Variants in GRM5 observed in about 807,000 individuals in gnomAD.
GRM5 encodes the protein glutamate metabotropic receptor 5.
In GRM5, 19 loss-of-function variants were observed where a neutral mutation model predicts 83.1. That is an observed-to-expected ratio of 0.23 (90% CI 0.16 to 0.34). The LOEUF (loss-of-function observed/expected upper bound fraction) is 0.34. Among genes scored for constraint, GRM5 ranks in the 10% least tolerant of loss-of-function variants. The pLI is 1.00. For synonymous variants in GRM5, 675 were observed against 633.6 expected (o/e 1.07, Z -0.98); for missense variants, 1,160 against 1,588.3 (o/e 0.73, Z 4.58).
At chr11:88,871,057 A>G (rs890296163) in intron 2 of GRM5, among the ~76,000 whole-genome samples, 2 of 151,634 alleles carry the variant, frequency 1.3e-5, no homozygotes, top group Non-Finnish European at 1.5e-5. Flanking sequence ...TACAATTATT[A>G]TTGTCAGTTA....
At chr11:88,843,428 C>T (rs1302822933) in intron 3 of GRM5, among the ~76,000 whole-genome samples, 2 of 152,078 alleles carry the variant, frequency 1.3e-5, no homozygotes, top group African/African-American at 2.4e-5. Flanking sequence ...GAACATGCTA[C>T]TGTTGTAATT....
At chr11:88,915,043 AC>A (rs1272761300) in intron 2 of GRM5, among the ~76,000 whole-genome samples, 2 of 152,202 alleles carry the variant, frequency 1.3e-5, no homozygotes, top group African/African-American at 4.8e-5. Flanking sequence ...TTTTACAAAA[AC>A]AAAAAGGTCA....
intron 2 of GRM5, among the ~76,000 whole-genome samples, chr11:89,023,884 A>C (rs1019540983): frequency 1.9e-5 from 2 of 105,870 alleles, no homozygotes; most frequent in Admixed American, 9.6e-5. Flanking sequence ...TAAATAAATA[A>C]ATAAATAAAT....
intron 3 of GRM5, among the ~76,000 whole-genome samples, chr11:88,742,643 T>C (rs1942052533): frequency 6.6e-6 from 1 of 152,150 alleles, no homozygotes; most frequent in Non-Finnish European, 1.5e-5. Flanking sequence ...GAAATCATGT[T>C]ACACAGAGAA....
chr11:88,721,951 T>G (rs975260934), intron 3 of GRM5, among the ~76,000 whole-genome samples: 1 of 152,088 alleles, frequency 6.6e-6, no homozygotes, highest in African/African-American at 2.4e-5. Flanking sequence ...AAAAACAGAC[T>G]GGGGATGTAA....
chr11:89,014,347 C>A (rs71469234), intron 2 of GRM5, among the ~76,000 whole-genome samples: 2,823 of 152,230 alleles, frequency 0.019, 38 homozygotes, highest in Middle Eastern at 0.065. Context: ...TGTGTTACTA[C>A]TCAACAGTGC....
intron 3 of GRM5, among the ~76,000 whole-genome samples, chr11:88,814,892 T>C (rs1270680790): frequency 6.6e-6 from 1 of 152,152 alleles, no homozygotes; most frequent in Non-Finnish European, 1.5e-5. Context: ...AGAATAATCC[T>C]AATCATGTAA....
At position 89,047,303 on chromosome 11, in the gene GRM5, C is replaced by A; in HGVS notation, c.570G>T (p.Arg190Ser). 6.2e-7 allele frequency: 1 copy of A among 1,613,864 alleles called. No homozygotes were observed. The highest frequency in any genetic ancestry group is 8.5e-7 in the Non-Finnish European group (1 of 1,179,806). Residue 190 changes from arginine to serine, a missense_variant, in exon 2 of 10, where the codon AGG (arginine) becomes AGT (serine). Arg to Ser is a moderately radical substitution (Grantham distance 110, BLOSUM62 -1). Coordinates refer to ENST00000305447, the MANE Select transcript of GRM5 (RefSeq NM_001143831.3). The surrounding 1 kb of genome is among the most constrained non-coding windows in gnomAD (Gnocchi z 5.1). ...CCTGCTGAGCATCTGAAGGCACAAC[C>A]CTCATGAAATATTTGAACAGAGTCT... ...SDKTLFKYFMRVVPSDAQQAR... is the reference protein window; with the variant it reads ...SDKTLFKYFMSVVPSDAQQAR...
chr11:88,818,610 G>C (rs1361572404), intron 3 of GRM5, among the ~76,000 whole-genome samples: 1 of 152,046 alleles, frequency 6.6e-6, no homozygotes, highest in Non-Finnish European at 1.5e-5. Context: ...CTTTGCAAGT[G>C]ATAGTAGACC....
chr11:88,814,640 T>C (rs1943639405), intron 3 of GRM5, among the ~76,000 whole-genome samples: 1 of 152,154 alleles, frequency 6.6e-6, no homozygotes, highest in Non-Finnish European at 1.5e-5. Context: ...AAGAACAAGC[T>C]GCTTCCAACT....
chr11:88,887,637 G>A (rs1381860905), intron 2 of GRM5, among the ~76,000 whole-genome samples: 2 of 152,112 alleles, frequency 1.3e-5, no homozygotes, highest in Non-Finnish European at 2.9e-5. Context: ...TATAGCAAGG[G>A]GAATGCCCCC....
At chr11:88,524,027 A>G (rs556841560) in intron 9 of GRM5, 2 of 152,144 alleles carry the variant, frequency 1.3e-5, no homozygotes, top group South Asian at 4.2e-4. Context: ...TTTTCCTTCC[A>G]TACCTCTACA....
intron 2 of GRM5, among the ~76,000 whole-genome samples, chr11:89,014,419 A>C (rs1048685306): frequency 6.6e-6 from 1 of 152,038 alleles, no homozygotes; most frequent in African/African-American, 2.4e-5. Flanking sequence ...TTTCAATGCT[A>C]TTACTTCAAT....
At chr11:88,975,697 G>A (rs989549850) in intron 2 of GRM5, among the ~76,000 whole-genome samples, 1 of 152,150 alleles carries the variant, frequency 6.6e-6, no homozygotes, top group Admixed American at 6.5e-5. Flanking sequence ...TGACTCATAT[G>A]GGCATGAATG....
chr11:88,575,626 T>G (rs1943094030), intron 7 of GRM5, among the ~76,000 whole-genome samples: 1 of 152,230 alleles, frequency 6.6e-6, no homozygotes, highest in African/African-American at 2.4e-5. Flanking sequence ...TTCAAACCCT[T>G]CAGCAAGATT....
chr11:88,513,956 A>G (rs1941454961), intron 9 of GRM5, among the ~76,000 whole-genome samples: 1 of 151,848 alleles, frequency 6.6e-6, no homozygotes, highest in Non-Finnish European at 1.5e-5. Flanking sequence ...CATCCATGTT[A>G]TATGTTTGTC....
chr11:88,586,992 TTTTA>T (rs1943328670), intron 7 of GRM5, among the ~76,000 whole-genome samples: 2 of 152,186 alleles, frequency 1.3e-5, no homozygotes. Flanking sequence ...CTCTCCATCA[TTTTA>T]CTGGAGGTTG....
chr11:88,977,635 T>C (rs1469522547), intron 2 of GRM5, among the ~76,000 whole-genome samples: 3 of 152,220 alleles, frequency 2.0e-5, no homozygotes, highest in Non-Finnish European at 4.4e-5. Flanking sequence ...TATACAAGAA[T>C]TTGAGACTAG....
chr11:88,663,583 C>T lies in GRM5; in HGVS notation c.912-10180G>A, dbSNP rs373618523. 3.1e-4 allele frequency among the ~76,000 whole-genome samples: 47 copies of T among 152,210 alleles called. 1 individual carries two copies. The South Asian group carries it at 9.3e-3, about 30-fold the overall frequency. On this transcript the variant is annotated intron_variant, in intron 3 of 9. Coordinates refer to ENST00000305447, the MANE Select transcript of GRM5 (RefSeq NM_001143831.3). Reference sequence around the variant, plus strand: ...CTTTATATAACCTTGTCTGTTTTTTCATGAAGTTTCCTTTCTTAGGATGAT... The same window carrying T: ...CTTTATATAACCTTGTCTGTTTTTTTATGAAGTTTCCTTTCTTAGGATGAT...
Sources: gnomAD v4.1 joint callset for allele counts (sites outside exome capture counted in the v4.1 genomes callset) on GRCh38, gnomAD v4.1.1 for gene constraint, Gnocchi (gnomAD v3.1) non-coding constraint, MANE v1.5 for transcripts, NCBI Gene and HGNC (gene_info 2026-07-23, HGNC 2026-07-21) for gene names.